Variants in PLEKHA1 observed in about 807,000 individuals in gnomAD.
The protein encoded by PLEKHA1 is pleckstrin homology domain containing A1.
Under a neutral mutation model 52.0 loss-of-function variants are expected in PLEKHA1, and 34 were observed. The observed-to-expected ratio is 0.65, with a 90% confidence interval of 0.50 to 0.87. The LOEUF is 0.87. Among genes scored for constraint, PLEKHA1 ranks in the 40% least tolerant of loss-of-function variants. PLEKHA1 has a pLI of 0.00. For synonymous variants in PLEKHA1, 163 were observed against 170.7 expected, an observed-to-expected ratio of 0.95 and a Z score of 0.35; for missense variants, 497 against 504.2, an observed-to-expected ratio of 0.99 and a Z score of 0.14.
chr10:122,406,404 A>G (rs1413112495), intron 4 of PLEKHA1, among the ~76,000 whole-genome samples, 172 bp from the exon 5 acceptor site: 1 of 152,164 alleles, frequency 6.6e-6, no homozygotes, highest in East Asian at 1.9e-4. Context: ...ACAAAATAAG[A>G]GTTTTACCTG....
At chr10:122,406,281 T>A (rs1309696551) in intron 4 of PLEKHA1, among the ~76,000 whole-genome samples, 1 of 152,244 alleles carries the variant, frequency 6.6e-6, no homozygotes, top group African/African-American at 2.4e-5. Context: ...TATATGATGT[T>A]TCATTGTGAT....
At chr10:122,424,349 A>AT in intron 9 of PLEKHA1, 86 bp downstream of exon 9, 1 of 1,383,378 alleles carries the variant, frequency 7.2e-7, no homozygotes, top group Non-Finnish European at 9.7e-7. Context: ...TACAGATTAC[A>AT]TTTTTCCATA....
rs569049286 is a variant in PLEKHA1, at chr10:122,383,408, C to T, written c.-21+8602C>T. On this transcript the variant is annotated intron_variant, in intron 1 of 11. Coordinates refer to ENST00000368990, the MANE Select transcript of PLEKHA1 (RefSeq NM_001001974.4). ...AATCATAGCTTACTGCAGACTCAAT[C>T]TCCTGGGCTGAAGCGATTATCCCAC... Among the ~76,000 whole-genome samples, 14 of 146,118 alleles carry T rather than the reference C, an allele frequency of 9.6e-5. No homozygotes were observed. The South Asian group carries it at 3.1e-3, about 33-fold the overall frequency.
intron 4 of PLEKHA1, among the ~76,000 whole-genome samples, chr10:122,404,617 G>T (rs2096979615): frequency 6.6e-6 from 1 of 152,184 alleles, no homozygotes; most frequent in Non-Finnish European, 1.5e-5. Flanking sequence ...GTTATTTATT[G>T]ATAGATATAG....
chr10:122,406,445 GT>G, intron 4 of PLEKHA1, 130 bp from the exon 5 acceptor site: 1 of 706,432 alleles, frequency 1.4e-6, no homozygotes, highest in Non-Finnish European at 2.5e-6. Flanking sequence ...TGTATTACAT[GT>G]GGTCTGATAT....
At position 122,432,029 on chromosome 10, in the gene PLEKHA1, C is replaced by T. The variant is rs550139107; in HGVS notation, c.*2091C>T. The T allele has an allele frequency of 3.9e-5, 6 of 152,258 alleles. No individual in the cohort carries two copies. The South Asian group carries it at 1.2e-3, about 32-fold the overall frequency. The allele number at this position is 152,258 out of a possible 1,614,324, so 9.4% of individuals were successfully genotyped here. A position where few individuals can be genotyped will look rare whatever the true frequency, so the allele number is the denominator to read the frequency against. On this transcript the variant is annotated 3_prime_UTR_variant, in exon 12 of 12. Coordinates refer to ENST00000368990, the MANE Select transcript of PLEKHA1 (RefSeq NM_001001974.4). ...TTGGGACATTTTAAAATAGAACTAT[C>T]CTTGTTCGATAGCATAGGAAAATGT...
chr10:122,398,187 G>A (rs1414674635), intron 3 of PLEKHA1, among the ~76,000 whole-genome samples: 5 of 152,046 alleles, frequency 3.3e-5, no homozygotes, highest in African/African-American at 1.2e-4. Context: ...GTGGCAAATT[G>A]CAAAAGTTAA....
chr10:122,387,323 A>T (rs1371922613), intron 1 of PLEKHA1: 1 of 152,166 alleles, frequency 6.6e-6, no homozygotes, highest in Non-Finnish European at 1.5e-5. Flanking sequence ...GCTGCATACT[A>T]CAAATTTTGA....
chr10:122,389,105 A>G (rs1406338285), intron 1 of PLEKHA1, among the ~76,000 whole-genome samples: 1 of 152,228 alleles, frequency 6.6e-6, no homozygotes, highest in African/African-American at 2.4e-5. Context: ...ATCTAGAATG[A>G]TGAATCCTCT....
intron 2 of PLEKHA1, among the ~76,000 whole-genome samples, chr10:122,394,028 A>G (rs1287168522): frequency 1.3e-5 from 2 of 149,424 alleles, no homozygotes; most frequent in African/African-American, 4.9e-5. Context: ...CTGAGATTAG[A>G]TATCATCTGT....
chr10:122,425,183 T>G (rs988094982), intron 10 of PLEKHA1: 17 of 356,678 alleles, frequency 4.8e-5, no homozygotes, highest in Non-Finnish European at 8.0e-5. Context: ...ACTAAGTATT[T>G]AGAGAAAGGG....
rs577495841 is a variant in PLEKHA1, at chr10:122,393,038, A to G, written c.-20-143A>G. 134 of 533,110 alleles carry G rather than the reference A, an allele frequency of 2.5e-4. No individual in the cohort carries two copies. The highest frequency in any genetic ancestry group is 2.4e-3 in the African/African-American group (122 of 51,430). The allele number at this position is 533,110 out of a possible 1,614,324, so 33.0% of individuals were successfully genotyped here. A position where few individuals can be genotyped will look rare whatever the true frequency, so the allele number is the denominator to read the frequency against. On this transcript the variant is annotated intron_variant, in intron 1 of 11. Coordinates refer to ENST00000368990, the MANE Select transcript of PLEKHA1 (RefSeq NM_001001974.4). The surrounding 1 kb of genome is among the most constrained non-coding windows in gnomAD (Gnocchi z 4.5). Reference sequence around the variant, plus strand: ...TGAATTTCAAAAGTGATTTTTGTCAATGCCTCAGATGTTGGTGTGTGTTCA... The same window carrying G: ...TGAATTTCAAAAGTGATTTTTGTCAGTGCCTCAGATGTTGGTGTGTGTTCA...
chr10:122,411,595 A>G (rs1476673946), intron 5 of PLEKHA1, among the ~76,000 whole-genome samples: 3 of 152,172 alleles, frequency 2.0e-5, no homozygotes, highest in African/African-American at 4.8e-5. Flanking sequence ...CTTAAAGTGC[A>G]GGTTTTTGGG....
chr10:122,427,102 A>C, intron 11 of PLEKHA1, 71 bp downstream of exon 11: 2 of 1,369,130 alleles, frequency 1.5e-6, no homozygotes, highest in Admixed American at 2.0e-5. Context: ...CTCTCTCCCA[A>C]TCCATCCGGT....
rs2096797718 is a variant in PLEKHA1 at position 122,393,042 on chromosome 10, C to G, written c.-20-139C>G. 1.8e-6 allele frequency: 1 copy of G among 561,314 alleles called. No homozygotes were observed. The highest frequency in any genetic ancestry group is 1.9e-5 in the African/African-American group (1 of 51,870). The allele number at this position is 561,314 out of a possible 1,614,324, so 34.8% of individuals were successfully genotyped here. A position where few individuals can be genotyped will look rare whatever the true frequency, so the allele number is the denominator to read the frequency against. On this transcript the variant is annotated intron_variant, in intron 1 of 11. Transcript: ENST00000368990. This position sits in a 1 kb window ranked among gnomAD's most constrained non-coding sequence, Gnocchi z 4.5. ...TTTCAAAAGTGATTTTTGTCAATGCCTCAGATGTTGGTGTGTGTTCATTTT... is the reference window on the plus strand; with the variant it reads ...TTTCAAAAGTGATTTTTGTCAATGCGTCAGATGTTGGTGTGTGTTCATTTT...
intron 1 of PLEKHA1, chr10:122,386,823 T>C (rs2096706906): frequency 6.6e-6 from 1 of 152,230 alleles, no homozygotes; most frequent in Admixed American, 6.5e-5. Flanking sequence ...AATTCACATA[T>C]GAACTATTTC....
chr10:122,412,987 A>C lies in PLEKHA1; in HGVS notation c.410A>C (p.Lys137Thr). ...AGTCGCCATGGTGAATGTGGGAAAA[A>C]GCAAGTGTCTTACAGAACTGATATT... is the stretch of plus-strand genomic sequence containing the variant. ...NLSRHGECGK[K>T]QVSYRTDIVG... Residue 137 changes from lysine (K) to threonine (T), a missense_variant, in exon 6 of 12, where the codon AAG (lysine) becomes ACG (threonine). Coordinates refer to ENST00000368990, the MANE Select transcript of PLEKHA1 (RefSeq NM_001001974.4). 6.2e-7 allele frequency: 1 copy of C among 1,613,620 alleles called. No homozygotes were observed. The highest frequency in any genetic ancestry group is 8.5e-7 in the Non-Finnish European group (1 of 1,179,660).
intron 3 of PLEKHA1, among the ~76,000 whole-genome samples, chr10:122,398,524 A>G (rs1039186482): frequency 2.0e-5 from 3 of 150,840 alleles, no homozygotes; most frequent in African/African-American, 7.3e-5. Flanking sequence ...TGTCAGGTAC[A>G]TTTTTTTCTT....
chr10:122,442,054 G>C, the PLEKHA1 span: 5 of 152,216 alleles, frequency 3.3e-5, no homozygotes, highest in Admixed American at 3.3e-4. Context: ...CCCTTCGAGT[G>C]TAATTCCGTG....
Sources: gnomAD v4.1 joint callset for allele counts (sites outside exome capture counted in the v4.1 genomes callset) on GRCh38, gnomAD v4.1.1 for gene constraint, Gnocchi (gnomAD v3.1) non-coding constraint, MANE v1.5 for transcripts, NCBI Gene and HGNC (gene_info 2026-07-23, HGNC 2026-07-21) for gene names.